The following PCDHA8 variants were observed in gnomAD, a reference collection of about 807,000 sequenced individuals.
PCDHA8 encodes the protein protocadherin alpha 8.
PCDHA8 carries 53 observed loss-of-function variants against 61.8 expected under a neutral mutation model. That is an observed-to-expected ratio of 0.86 (90% confidence interval 0.69 to 1.08). The LOEUF is 1.08. Among genes scored for constraint, PCDHA8 ranks in the 50% least tolerant of loss-of-function variants. The pLI is 0.00. For missense variants in PCDHA8, 1,293 were observed against 1,245.0 expected, an observed-to-expected ratio of 1.04 and a Z score of -0.58; for synonymous variants, 618 against 556.6, an observed-to-expected ratio of 1.11 and a Z score of -1.55.
In PCDHA8 at chr5:140,843,766, GT is replaced by G. The variant is rs2150366471; in HGVS notation, c.2394+53del. ...ATAAATTCTATTTGTGGAAATTGTA[GT>G]TACTTTAAAAGTGTTTCAGATTTAG... On this transcript the variant is annotated intron_variant, in intron 1 of 3. Coordinates refer to ENST00000531613, the MANE Select transcript of PCDHA8 (RefSeq NM_018911.3). 2.9e-5 allele frequency: 43 copies of G among 1,487,836 alleles called. 4 individuals carry two copies. Among genetic ancestry groups the G allele is most frequent in the Non-Finnish European group, 3.7e-5 (40 of 1,082,784 alleles). 92.2% of individuals were successfully genotyped at this position (1,487,836 alleles called of 1,614,324 possible). A position where few individuals can be genotyped will look rare whatever the true frequency, so the allele number is the denominator to read the frequency against.
Position 140,870,886 on chromosome 5 carries a change from G to T in PCDHA8, c.2394+27171G>T, listed in dbSNP as rs17844350. On this transcript the variant is annotated intron_variant, in intron 1 of 3. Coordinates refer to ENST00000531613, the MANE Select transcript of PCDHA8 (RefSeq NM_018911.3). ...GGGCCACGTGGTGGCGAAGGTGCGC[G>T]CAGTGGATGCGGACTCAGGCTACAA... 4,395 of 1,613,944 alleles carry T rather than the reference G, an allele frequency of 2.7e-3. 116 individuals are homozygous for T. The East Asian group carries it at 0.058, about 21-fold the overall frequency.
intron 1 of PCDHA8, chr5:140,877,539 C>G (rs1562735979): frequency 2.5e-6 from 4 of 1,613,788 alleles, no homozygotes; most frequent in South Asian, 1.1e-5. Flanking sequence ...CTGTGGATCC[C>G]GAAGCGGCTC....
In PCDHA8 at chr5:140,888,751, C is replaced by T. The variant is rs947840835; in HGVS notation, c.2394+45036C>T. On this transcript the variant is annotated intron_variant, in intron 1 of 3. Transcript: ENST00000531613. ...TTGTGAGCTCTAGGAATTATTCTAC[C>T]CACTTTTTTTTTTAATTTTGAAGGG... Among the ~76,000 whole-genome samples, 4 of 151,800 alleles carry T rather than the reference C, an allele frequency of 2.6e-5. No individual in the cohort carries two copies. The South Asian group carries it at 8.3e-4, about 32-fold the overall frequency.
intron 1 of PCDHA8, chr5:140,927,292 C>A: frequency 6.2e-7 from 1 of 1,614,162 alleles, no homozygotes; most frequent in East Asian, 2.2e-5. Flanking sequence ...GCTGCACATC[C>A]CCGAGTTCCT....
chr5:140,995,498 CTG>C (rs1554254703), intron 3 of PCDHA8, among the ~76,000 whole-genome samples: 5 of 152,150 alleles, frequency 3.3e-5, no homozygotes, highest in Non-Finnish European at 5.9e-5. Context: ...CTAAGGTTGA[CTG>C]TGGGTAACTG....
Position 140,914,628 on chromosome 5 carries a change from G to A in PCDHA8, c.2395-64321G>A, listed in dbSNP as rs540654869. 1.3e-4 allele frequency among the ~76,000 whole-genome samples: 19 copies of A among 151,834 alleles called. No homozygotes were observed. The South Asian group carries it at 1.7e-3, about 13-fold the overall frequency. ...CTGCCATTTTGTAATTTGTTTTCTC[G>A]TGGTTTCATGGTCATCTCTCCCTTC... is the stretch of plus-strand genomic sequence containing the variant. On this transcript the variant is annotated intron_variant, in intron 1 of 3. Transcript: ENST00000531613.
intron 1 of PCDHA8, chr5:140,856,159 G>A (rs1554148275): frequency 6.3e-7 from 1 of 1,598,348 alleles, no homozygotes; most frequent in Non-Finnish European, 8.6e-7. Context: ...TCTACGAGGA[G>A]GCCAGACACG....
At chr5:140,900,425 G>T (rs577250354) in intron 1 of PCDHA8, among the ~76,000 whole-genome samples, 1 of 152,236 alleles carries the variant, frequency 6.6e-6, no homozygotes, top group African/African-American at 2.4e-5. Context: ...TTATAGGCAC[G>T]TGCCACCACG....
At chr5:140,920,841 TAAA>T (rs781921146) in intron 1 of PCDHA8, among the ~76,000 whole-genome samples, 2 of 109,226 alleles carry the variant, frequency 1.8e-5, no homozygotes, top group Non-Finnish European at 3.9e-5. Context: ...AGACCAAATC[TAAA>T]AAAAAAAAAA....
Position 140,841,255 on chromosome 5 carries a change from C to G in PCDHA8, c.-67C>G. On this transcript the variant is annotated 5_prime_UTR_variant, in exon 1 of 4. Coordinates refer to ENST00000531613, the MANE Select transcript of PCDHA8 (RefSeq NM_018911.3). ...GATGCAGCGGAATTGGATTAAAAGA[C>G]TCTGAAAGTACAGTCGTTCATCTTT... 8 of 1,511,904 alleles carry G rather than the reference C, an allele frequency of 5.3e-6. No homozygotes were observed. The highest frequency in any genetic ancestry group is 7.1e-6 in the Non-Finnish European group (8 of 1,127,262). 93.7% of individuals were successfully genotyped at this position (1,511,904 alleles called of 1,614,324 possible).
chr5:140,850,555 C>T (rs1562471328), intron 1 of PCDHA8: 2 of 1,598,250 alleles, frequency 1.3e-6, no homozygotes, highest in South Asian at 1.1e-5. Context: ...GTGGGTGCCA[C>T]GGGCCCCGAG....
At chr5:140,887,442 T>C (rs2061450115) in intron 1 of PCDHA8, among the ~76,000 whole-genome samples, 1 of 152,180 alleles carries the variant, frequency 6.6e-6, no homozygotes, top group Non-Finnish European at 1.5e-5. Context: ...CTGGGCATAG[T>C]TGACAGTTTT....
intron 1 of PCDHA8, among the ~76,000 whole-genome samples, chr5:140,886,624 G>A (rs1204732273): frequency 6.6e-6 from 1 of 151,636 alleles, no homozygotes; most frequent in African/African-American, 2.4e-5. Context: ...TCAGGAGTCC[G>A]AGACCAGCCT....
intron 3 of PCDHA8, among the ~76,000 whole-genome samples, chr5:140,986,890 G>A (rs965456573): frequency 6.6e-6 from 1 of 152,124 alleles, no homozygotes; most frequent in Non-Finnish European, 1.5e-5. Flanking sequence ...CAAATTCTTA[G>A]GCCCTATCCT....
chr5:140,972,958 G>C (rs918792607), intron 1 of PCDHA8, among the ~76,000 whole-genome samples: 1 of 152,038 alleles, frequency 6.6e-6, no homozygotes, highest in African/African-American at 2.4e-5. Context: ...CACCATGCCC[G>C]GCAAAGGAAA....
chr5:140,842,956 G>A lies in PCDHA8; in HGVS notation c.1635G>A (p.Leu545=). 6.3e-7 allele frequency: 1 copy of A among 1,594,910 alleles called. No homozygotes were observed. The highest frequency in any genetic ancestry group is 8.6e-7 in the Non-Finnish European group (1 of 1,165,502). ...VSARDAGVPP[L]GSNVTLQVFV... is the part of the protein sequence containing the mutation. ...CGCGCGACGCGGGCGTGCCGCCTCT[G>A]GGCAGCAACGTGACGCTGCAGGTGT... is the stretch of plus-strand genomic sequence containing the variant. The change falls in exon 1 of 4, where the codon CTG becomes CTA. Residue 545 remains leucine, a synonymous_variant. Coordinates refer to ENST00000531613, the MANE Select transcript of PCDHA8 (RefSeq NM_018911.3).
chr5:140,924,701 C>A (rs2081959929), intron 1 of PCDHA8, among the ~76,000 whole-genome samples: 1 of 152,008 alleles, frequency 6.6e-6, no homozygotes, highest in African/African-American at 2.4e-5. Flanking sequence ...TCGAGACCAG[C>A]TTGTGCAACA....
chr5:140,954,284 C>G (rs1719232084), intron 1 of PCDHA8, among the ~76,000 whole-genome samples: 1 of 152,158 alleles, frequency 6.6e-6, no homozygotes, highest in South Asian at 2.1e-4. Context: ...ATTTATATTC[C>G]TTTGGGTACA....
chr5:140,847,155 T>C lies in PCDHA8; in HGVS notation c.2394+3440T>C. On this transcript the variant is annotated intron_variant, in intron 1 of 3. Transcript: ENST00000531613. ...ACCAATGTAAGAAGATCTCTTGATT[T>C]CTGAGTAATAAACTAAAGGGCCATG... is the stretch of plus-strand genomic sequence containing the variant. Among the ~76,000 whole-genome samples, 2 of 149,582 alleles carry C rather than the reference T, an allele frequency of 1.3e-5. 1 individual carries two copies. The highest frequency in any genetic ancestry group is 3.0e-5 in the Non-Finnish European group (2 of 66,904).
Sources: gnomAD v4.1 joint callset for allele counts (sites outside exome capture counted in the v4.1 genomes callset) on GRCh38, gnomAD v4.1.1 for gene constraint, MANE v1.5 for transcripts, NCBI Gene and HGNC (gene_info 2026-07-23, HGNC 2026-07-21) for gene names.